PLEKHH1: variants seen among roughly 807,000 people sequenced by gnomAD.
The protein encoded by PLEKHH1 is pleckstrin homology, MyTH4 and FERM domain containing H1.
A neutral mutation model predicts 160.0 loss-of-function variants in PLEKHH1; 104 were observed. That is an observed-to-expected ratio of 0.65 (90% CI 0.55 to 0.76). PLEKHH1 has a LOEUF of 0.76. Ranked by LOEUF, PLEKHH1 falls within the 30% of genes least tolerant of loss-of-function variation. The pLI is 0.00. For synonymous variants in PLEKHH1, 619 were observed against 678.4 expected, an observed-to-expected ratio of 0.91 and a Z score of 1.36; for missense variants, 1,427 against 1,724.1, an observed-to-expected ratio of 0.83 and a Z score of 3.05.
chr14:67,585,649 A>T lies in PLEKHH1; in HGVS notation c.3781A>T (p.Thr1261Ser). Residue 1261 changes from threonine to serine, a missense_variant, in exon 27 of 29, where the codon ACT becomes TCT. By Grantham distance (58) the Thr-to-Ser change is moderately conservative (BLOSUM62 1). Transcript: ENST00000329153. ...TGGCGTCAGCATCCTGGACCACAAC[A>T]CTATGGTATGAAAGGATGCAGGCTG... ...EDGVSILDHNTMQVHITYPYS... is the reference protein window; with the variant it reads ...EDGVSILDHNSMQVHITYPYS... The T allele has an allele frequency of 6.4e-7, 1 of 1,561,350 alleles. No homozygotes were observed. The highest frequency in any genetic ancestry group is 8.7e-7 in the Non-Finnish European group (1 of 1,148,886).
At chr14:67,539,428 C>T (rs1293212940) in intron 1 of PLEKHH1, among the ~76,000 whole-genome samples, 1 of 152,154 alleles carries the variant, frequency 6.6e-6, no homozygotes, top group Admixed American at 6.5e-5. Context: ...AAGAAGCGAG[C>T]TTACTCGGTC....
intron 21 of PLEKHH1, 96 bp downstream of exon 21, chr14:67,579,407 C>T: frequency 1.0e-6 from 1 of 994,016 alleles, no homozygotes. Flanking sequence ...AGATTGTTCA[C>T]TGTTGCCCCA....
chr14:67,559,417 G>C (rs1000345995), intron 4 of PLEKHH1, among the ~76,000 whole-genome samples, 191 bp from the exon 5 acceptor site: 2 of 152,094 alleles, frequency 1.3e-5, no homozygotes, highest in Non-Finnish European at 2.9e-5. Flanking sequence ...TGAACACTTA[G>C]ACTATTTCCA....
At chr14:67,567,810 G>C (rs570599848) in intron 7 of PLEKHH1, among the ~76,000 whole-genome samples, 53 of 152,352 alleles carry the variant, frequency 3.5e-4, no homozygotes, top group African/African-American at 1.3e-3. Flanking sequence ...TGAGCCAACA[G>C]GGCATTCCTC....
At chr14:67,583,042 A>G (rs1203630667) in intron 24 of PLEKHH1, among the ~76,000 whole-genome samples, 1 of 152,180 alleles carries the variant, frequency 6.6e-6, no homozygotes, top group Admixed American at 6.5e-5. Flanking sequence ...CATCTTGCCA[A>G]AGGTATCTGG....
chr14:67,553,007 C>T (rs1456278003), intron 2 of PLEKHH1, among the ~76,000 whole-genome samples: 3 of 152,178 alleles, frequency 2.0e-5, no homozygotes, highest in Non-Finnish European at 4.4e-5. Context: ...CTGGTTCTGA[C>T]CAATGTCATT....
chr14:67,576,702 G>A lies in PLEKHH1; in HGVS notation c.2461+199G>A, dbSNP rs936932902. 6.6e-6 allele frequency among the ~76,000 whole-genome samples: 1 copy of A among 152,206 alleles called. No individual in the cohort carries two copies. Among genetic ancestry groups the A allele is most frequent in the Non-Finnish European group, 1.5e-5 (1 of 68,034 alleles). On this transcript the variant is annotated intron_variant, in intron 17 of 28. Transcript: ENST00000329153. This position sits in a 1 kb window ranked among gnomAD's most constrained non-coding sequence, Gnocchi z 4.0. ...TAAGGTGACCACTCTGCATCTGGGG[G>A]AGTTTATCTGGGAAGCAGGCTTTCC...
chr14:67,542,108 C>A, intron 2 of PLEKHH1, 115 bp downstream of exon 2: 1 of 1,001,204 alleles, frequency 1.0e-6, no homozygotes, highest in Non-Finnish European at 1.4e-6. Flanking sequence ...TGCTTTTCCC[C>A]ATATGCAAAA....
chr14:67,546,390 GTTTTGT>G (rs562112552), intron 2 of PLEKHH1, among the ~76,000 whole-genome samples: 1,648 of 151,996 alleles, frequency 0.011, 31 homozygotes, highest in East Asian at 0.061. Context: ...TGTGTTTTTT[GTTTTGT>G]TTTTGTTTTT....
chr14:67,547,705 G>A (rs537801266), intron 2 of PLEKHH1, among the ~76,000 whole-genome samples: 9 of 152,358 alleles, frequency 5.9e-5, no homozygotes, highest in African/African-American at 1.9e-4. Context: ...AGACCTGCCT[G>A]TGGGCTGCGG....
rs1271195787 is a variant in PLEKHH1 at position 67,562,629 on chromosome 14, G to T, written c.998G>T (p.Ser333Ile). 1.9e-6 allele frequency: 3 copies of T among 1,612,868 alleles called. No homozygotes were observed. Among genetic ancestry groups the T allele is most frequent in the South Asian group, 2.2e-5 (2 of 90,838 alleles). ...DSIQLAKRHH[S>I]QPQVGHGHFG... ...ATCCAGTTGGCCAAAAGGCACCACA[G>T]CCAGCCCCAGGTGGGCCATGGGCAC... Residue 333 changes from serine (S) to isoleucine (I), a missense_variant, in exon 7 of 29, where the codon AGC becomes ATC. By Grantham distance (142) the Ser-to-Ile change is moderately radical. Transcript: ENST00000329153.
At chr14:67,538,050 A>T (rs1420533452) in intron 1 of PLEKHH1, among the ~76,000 whole-genome samples, 1 of 152,190 alleles carries the variant, frequency 6.6e-6, no homozygotes, top group Non-Finnish European at 1.5e-5. Context: ...GGTATTGGGG[A>T]CAGAGGGACT....
Position 67,559,681 on chromosome 14 carries a change from A to C in PLEKHH1, c.413A>C (p.Lys138Thr), listed in dbSNP as rs2034745510. 6.2e-7 allele frequency: 1 copy of C among 1,603,890 alleles called. No homozygotes were observed. The highest frequency in any genetic ancestry group is 8.5e-7 in the Non-Finnish European group (1 of 1,174,986). ...AAKIKEWVTL[K>T]LAKLEMENQH... Reference sequence around the variant, plus strand: ...AAGATCAAGGAATGGGTGACACTCAAGTTGGCAAAGGTGGGTTGGAAACTC... The same window carrying C: ...AAGATCAAGGAATGGGTGACACTCACGTTGGCAAAGGTGGGTTGGAAACTC... Residue 138 changes from lysine (K) to threonine (T), a missense_variant, in exon 5 of 29, where the codon AAG becomes ACG. Coordinates refer to ENST00000329153, the MANE Select transcript of PLEKHH1 (RefSeq NM_020715.3).
chr14:67,574,255 A>G lies in PLEKHH1; in HGVS notation c.1940A>G (p.Lys647Arg), dbSNP rs2035519750. The G allele has an allele frequency of 3.1e-6, 5 of 1,605,176 alleles. No individual in the cohort carries two copies. The highest frequency in any genetic ancestry group is 4.3e-6 in the Non-Finnish European group (5 of 1,175,628). Residue 647 changes from lysine to arginine, a missense_variant, in exon 14 of 29, where the codon AAG becomes AGG. By Grantham distance (26) the Lys-to-Arg change is conservative. Coordinates refer to ENST00000329153, the MANE Select transcript of PLEKHH1 (RefSeq NM_020715.3). This position sits in a 1 kb window ranked among gnomAD's most constrained non-coding sequence, Gnocchi z 4.2. ...CGCCCTCCACAGCTCATCTCTGAGA[A>G]GAAAACCTACTACCTGACGGCCGAT... ...GSQTFQLISE[K>R]KTYYLTADSP...
At position 67,559,660 on chromosome 14, in the gene PLEKHH1, T is replaced by A; in HGVS notation, c.392T>A (p.Ile131Asn). 1 of 1,607,048 alleles carries A rather than the reference T, an allele frequency of 6.2e-7. No individual in the cohort carries two copies. Among genetic ancestry groups the A allele is most frequent in the Non-Finnish European group, 8.5e-7 (1 of 1,176,836 alleles). The change falls in exon 5 of 29, where the codon ATC becomes AAC. Residue 131 changes from isoleucine (I) to asparagine (N), a missense_variant. Coordinates refer to ENST00000329153, the MANE Select transcript of PLEKHH1 (RefSeq NM_020715.3). ...AKTVQEKAAK[I>N]KEWVTLKLAK... is the part of the protein sequence containing the mutation. ...ACTGTTCAAGAAAAAGCTGCAAAGA[T>A]CAAGGAATGGGTGACACTCAAGTTG...
intron 7 of PLEKHH1, among the ~76,000 whole-genome samples, chr14:67,563,213 A>C (rs1299768115): frequency 2.6e-5 from 4 of 152,224 alleles, no homozygotes; most frequent in Admixed American, 6.5e-5. Context: ...GGTCAAGAGC[A>C]TAGGCCCCAG....
chr14:67,536,830 GT>G (rs1346933993), intron 1 of PLEKHH1, among the ~76,000 whole-genome samples: 1 of 151,790 alleles, frequency 6.6e-6, no homozygotes, highest in South Asian at 2.1e-4. Flanking sequence ...ATCACCTGAG[GT>G]CAGGAGTTTG....
chr14:67,551,431 C>T (rs1383964239), intron 2 of PLEKHH1, among the ~76,000 whole-genome samples: 1 of 152,138 alleles, frequency 6.6e-6, no homozygotes, highest in African/African-American at 2.4e-5. Context: ...GGAATCTTCA[C>T]AACGATCCTA....
intron 28 of PLEKHH1, chr14:67,586,855 C>G (rs182707208): frequency 2.0e-6 from 3 of 1,506,444 alleles, no homozygotes; most frequent in Non-Finnish European, 2.7e-6. Flanking sequence ...CAGAAGGGCA[C>G]TGTGCATCTG....
Sources: gnomAD v4.1 joint callset for allele counts (sites outside exome capture counted in the v4.1 genomes callset) on GRCh38, gnomAD v4.1.1 for gene constraint, Gnocchi (gnomAD v3.1) non-coding constraint, MANE v1.5 for transcripts, NCBI Gene and HGNC (gene_info 2026-07-23, HGNC 2026-07-21) for gene names.